SLC4A3: variants seen among roughly 807,000 people sequenced by gnomAD.
SLC4A3 encodes the protein anion exchange protein 3.
SLC4A3 carries 47 observed loss-of-function variants against 114.2 expected under a neutral mutation model. That is an observed-to-expected ratio of 0.41 (90% CI 0.33 to 0.52). The LOEUF (loss-of-function observed/expected upper bound fraction) is 0.52, where lower values mean the gene tolerates loss of function less well. Among genes scored for constraint, SLC4A3 ranks in the 20% least tolerant of loss-of-function variants. The pLI is 0.21. For synonymous variants in SLC4A3, 693 were observed against 710.3 expected (o/e 0.98, Z 0.39); for missense variants, 1,312 against 1,668.3 (o/e 0.79, Z 3.72).
Position 219,631,983 on chromosome 2 carries a change from A to T in SLC4A3, c.827A>T (p.Asp276Val), listed in dbSNP as rs374068007. The T allele has an allele frequency of 1.9e-6, 3 of 1,606,718 alleles. No homozygotes were observed. The highest frequency in any genetic ancestry group is 2.6e-6 in the Non-Finnish European group (3 of 1,176,436). The change falls in exon 7 of 23, where the codon GAC becomes GTC. Residue 276 changes from aspartate (D) to valine (V), a missense_variant. By Grantham distance (152) the Asp-to-Val change is radical (BLOSUM62 -3). This residue lies in a region of SLC4A3 where 771 missense variants were observed against 977.7 expected (regional missense o/e 0.79). Transcript: ENST00000358055. The surrounding 1 kb of genome is among the most constrained non-coding windows in gnomAD (Gnocchi z 6.3). Reference sequence around the variant, plus strand: ...TTCTCTGCAGGTCACCGACTGGAGGACAACCCTGGTGTGCGGCGACACTTA... The same window carrying T: ...TTCTCTGCAGGTCACCGACTGGAGGTCAACCCTGGTGTGCGGCGACACTTA... The part of the protein sequence containing the change: ...LDDMKSHRLE[D>V]NPGVRRHLVK...
rs1699046101 is a variant in SLC4A3 at position 219,634,400 on chromosome 2, G to A, written c.1562-20G>A. The A allele has an allele frequency of 1.2e-6, 2 of 1,613,162 alleles. No homozygotes were observed. Among genetic ancestry groups the A allele is most frequent in the Non-Finnish European group, 1.7e-6 (2 of 1,179,416 alleles). On this transcript the variant is annotated intron_variant, in intron 11 of 22. Transcript: ENST00000358055. ...ACTGCTTCTCTTTGCCCAGCGCCCT[G>A]TGCTTTCCTCTTCCCCTAGGTTGTG...
chr2:219,631,188 AGCCGAGGGGTCTGGTAGGGAGCGGAG>A lies in SLC4A3; in HGVS notation c.812-772_812-747del. 8.4e-7 allele frequency: 1 copy of A among 1,195,494 alleles called. No individual in the cohort carries two copies. The highest frequency in any genetic ancestry group is 1.6e-5 in the South Asian group (1 of 63,396). 74.1% of individuals were successfully genotyped at this position (1,195,494 alleles called of 1,614,324 possible). A position where few individuals can be genotyped will look rare whatever the true frequency, so the allele number is the denominator to read the frequency against. ...CGTCCAGGCTCCCACCTTGTAGGAGAGCCGAGGGGTCTGGTAGGGAGCGGAGGCCGAGGTCTCGGCCACCGGGAGAA... is the reference window on the plus strand; with the variant it reads ...CGTCCAGGCTCCCACCTTGTAGGAGAGCCGAGGTCTCGGCCACCGGGAGAA... On this transcript the variant is annotated intron_variant, in intron 6 of 22. Coordinates refer to ENST00000358055, the MANE Select transcript of SLC4A3 (RefSeq NM_005070.4). The surrounding 1 kb of genome is among the most constrained non-coding windows in gnomAD (Gnocchi z 6.3).
At position 219,638,200 on chromosome 2, in the gene SLC4A3, T is replaced by C; in HGVS notation, c.2803T>C (p.Ser935Pro). The C allele has an allele frequency of 6.2e-7, 1 of 1,612,872 alleles. No individual in the cohort carries two copies. Among genetic ancestry groups the C allele is most frequent in the Non-Finnish European group, 8.5e-7 (1 of 1,179,430 alleles). The change falls in exon 18 of 23, where the codon TCC becomes CCC. Residue 935 changes from serine to proline, a missense_variant. By Grantham distance (74) the Ser-to-Pro change is moderately conservative. Transcript: ENST00000358055. This position sits in a 1 kb window ranked among gnomAD's most constrained non-coding sequence, Gnocchi z 7.5. ...CATCGGGGACTTTGGCATCCCCATC[T>C]CCATCCTGGTGATGGTCCTGGTGGA... ...RIIGDFGIPISILVMVLVDYS... is the reference protein window; with the variant it reads ...RIIGDFGIPIPILVMVLVDYS...
At position 219,628,008 on chromosome 2, in the gene SLC4A3, A is replaced by C; in HGVS notation, c.16A>C (p.Ile6Leu). ...CTACCTGGCCATGGCCAACGGAGTG[A>C]TCCCGCCGCCCGGGGGCGCCTCCCC... MANGV[I>L]PPPGGASPLP... The change falls in exon 2 of 23, where the codon ATC becomes CTC. Residue 6 changes from isoleucine (I) to leucine (L), a missense_variant. Physicochemically the swap from Ile to Leu is conservative, Grantham distance 5. Coordinates refer to ENST00000358055, the MANE Select transcript of SLC4A3 (RefSeq NM_005070.4). The surrounding 1 kb of genome is among the most constrained non-coding windows in gnomAD (Gnocchi z 4.8). 1 of 1,595,380 alleles carries C rather than the reference A, an allele frequency of 6.3e-7. No individual in the cohort carries two copies. Among genetic ancestry groups the C allele is most frequent in the Non-Finnish European group, 8.5e-7 (1 of 1,172,676 alleles).
intron 10 of SLC4A3, among the ~76,000 whole-genome samples, 153 bp downstream of exon 10, chr2:219,633,610 T>C (rs1201980652): frequency 6.6e-6 from 1 of 152,150 alleles, no homozygotes; most frequent in Non-Finnish European, 1.5e-5. Flanking sequence ...GCATGAGGGG[T>C]CCCTGCCCTG....
rs1044186512 is a variant in SLC4A3, at chr2:219,636,967, G to C, written c.2535+93G>C. 9.8e-6 allele frequency: 11 copies of C among 1,122,540 alleles called. No individual in the cohort carries two copies. Among genetic ancestry groups the C allele is most frequent in the Non-Finnish European group, 1.3e-5 (10 of 762,340 alleles). 69.5% of individuals were successfully genotyped at this position (1,122,540 alleles called of 1,614,324 possible). A position where few individuals can be genotyped will look rare whatever the true frequency, so the allele number is the denominator to read the frequency against. Reference sequence around the variant, plus strand: ...TGGGAGGGGGAGGTATGGAGAACTAGGGGACAAGGAGAGGGACTGTGTTGG... The same window carrying C: ...TGGGAGGGGGAGGTATGGAGAACTACGGGACAAGGAGAGGGACTGTGTTGG... On this transcript the variant is annotated intron_variant, in intron 16 of 22. Coordinates refer to ENST00000358055, the MANE Select transcript of SLC4A3 (RefSeq NM_005070.4). The surrounding 1 kb of genome is among the most constrained non-coding windows in gnomAD (Gnocchi z 5.5).
In SLC4A3 at chr2:219,631,226, G is replaced by C; in HGVS notation, c.812-742G>C. The stretch of plus-strand genomic sequence containing the variant: ...GGTAGGGAGCGGAGGCCGAGGTCTC[G>C]GCCACCGGGAGAATGACGAGCCCAC... On this transcript the variant is annotated intron_variant, in intron 6 of 22. Transcript: ENST00000358055. The surrounding 1 kb of genome is among the most constrained non-coding windows in gnomAD (Gnocchi z 6.3). 4 of 1,242,854 alleles carry C rather than the reference G, an allele frequency of 3.2e-6. No individual in the cohort carries two copies. Among genetic ancestry groups the C allele is most frequent in the Non-Finnish European group, 4.2e-6 (4 of 954,426 alleles). 77.0% of individuals were successfully genotyped at this position (1,242,854 alleles called of 1,614,324 possible). A position where few individuals can be genotyped will look rare whatever the true frequency, so the allele number is the denominator to read the frequency against.
Position 219,637,930 on chromosome 2 carries a change from C to A in SLC4A3, c.2766+119C>A. On this transcript the variant is annotated intron_variant, in intron 17 of 22. Coordinates refer to ENST00000358055, the MANE Select transcript of SLC4A3 (RefSeq NM_005070.4). This position sits in a 1 kb window ranked among gnomAD's most constrained non-coding sequence, Gnocchi z 4.6. ...ATGGACCAAAACCCAGCTCGGGCAG[C>A]CCCTCACCCCTTCGGAAGCCTCTTC... 1 of 805,022 alleles carries A rather than the reference C, an allele frequency of 1.2e-6. No individual in the cohort carries two copies. The highest frequency in any genetic ancestry group is 2.1e-6 in the Non-Finnish European group (1 of 486,846). The allele number at this position is 805,022 out of a possible 1,614,324, so 49.9% of individuals were successfully genotyped here.
Position 219,628,267 on chromosome 2 carries a change from A to T in SLC4A3, c.52-138A>T. On this transcript the variant is annotated intron_variant, in intron 2 of 22. Transcript: ENST00000358055. The surrounding 1 kb of genome is among the most constrained non-coding windows in gnomAD (Gnocchi z 4.8). ...AGAGAGGGTGGTTTCTGGGATGCTG[A>T]CACAGGCCTGGGAGCAAGGGGAGGG... is the stretch of plus-strand genomic sequence containing the variant. 1 of 980,000 alleles carries T rather than the reference A, an allele frequency of 1.0e-6. No individual in the cohort carries two copies. 60.7% of individuals were successfully genotyped at this position (980,000 alleles called of 1,614,324 possible). A position where few individuals can be genotyped will look rare whatever the true frequency, so the allele number is the denominator to read the frequency against.
At position 219,641,516 on chromosome 2, in the gene SLC4A3, C is replaced by A; in HGVS notation, c.3622-135C>A. On this transcript the variant is annotated intron_variant, in intron 22 of 22. Coordinates refer to ENST00000358055, the MANE Select transcript of SLC4A3 (RefSeq NM_005070.4). The surrounding 1 kb of genome is among the most constrained non-coding windows in gnomAD (Gnocchi z 4.0). ...TTTGGCCAAGGGCAGTGCTGCCACC[C>A]AGGGTCATGGTACTTGCAGAGAGGC... is the stretch of plus-strand genomic sequence containing the variant. 1.4e-6 allele frequency: 1 copy of A among 707,274 alleles called. No individual in the cohort carries two copies. Among genetic ancestry groups the A allele is most frequent in the Non-Finnish European group, 2.5e-6 (1 of 398,990 alleles). The allele number at this position is 707,274 out of a possible 1,614,324, so 43.8% of individuals were successfully genotyped here.
At chr2:219,632,820 G>A (rs993399516) in intron 8 of SLC4A3, 54 bp from the exon 9 acceptor site, 6 of 1,604,474 alleles carry the variant, frequency 3.7e-6, no homozygotes, top group Non-Finnish European at 4.3e-6. Context: ...AGTGGGAGGA[G>A]ATTTTTCCTG....
chr2:219,639,915 C>G lies in SLC4A3; in HGVS notation c.3277+180C>G, dbSNP rs1699258804. On this transcript the variant is annotated intron_variant, in intron 20 of 22. Transcript: ENST00000358055. This position sits in a 1 kb window ranked among gnomAD's most constrained non-coding sequence, Gnocchi z 5.9. ...ACTCCTGGAGTCCTTTTCTGGCTCT[C>G]TGTCCTGCCCCCTCTTCTCTCTCTT... 6.6e-6 allele frequency among the ~76,000 whole-genome samples: 1 copy of G among 152,124 alleles called. No homozygotes were observed. The highest frequency in any genetic ancestry group is 2.4e-5 in the African/African-American group (1 of 41,412).
Position 219,631,823 on chromosome 2 carries a change from A to T in SLC4A3, c.812-145A>T, listed in dbSNP as rs1432851959. On this transcript the variant is annotated intron_variant, in intron 6 of 22. Coordinates refer to ENST00000358055, the MANE Select transcript of SLC4A3 (RefSeq NM_005070.4). This position sits in a 1 kb window ranked among gnomAD's most constrained non-coding sequence, Gnocchi z 6.3. ...CAGTCTTCTTATCAATGAAATGGCCACATGGGATTATGTGGTTCCCGTCGG... is the reference window on the plus strand; with the variant it reads ...CAGTCTTCTTATCAATGAAATGGCCTCATGGGATTATGTGGTTCCCGTCGG... 1.1e-6 allele frequency: 1 copy of T among 883,450 alleles called. No homozygotes were observed. The highest frequency in any genetic ancestry group is 1.7e-6 in the Non-Finnish European group (1 of 573,194). 54.7% of individuals were successfully genotyped at this position (883,450 alleles called of 1,614,324 possible).
Position 219,629,673 on chromosome 2 carries a change from A to G in SLC4A3, c.589A>G (p.Lys197Glu). The G allele has an allele frequency of 1.2e-6, 2 of 1,612,358 alleles. No homozygotes were observed. Among genetic ancestry groups the G allele is most frequent in the Non-Finnish European group, 1.7e-6 (2 of 1,179,152 alleles). ...GCCCTCGGTGGGCCCACACACTGAC[A>G]AGAGCCCCCAGCACTCCAGCAGGTA... ...PLPSVGPHTD[K>E]SPQHSSSSPS... is the part of the protein sequence containing the mutation. Residue 197 changes from lysine to glutamate, a missense_variant, in exon 5 of 23, where the codon AAG (lysine) becomes GAG (glutamate). Lys to Glu is a moderately conservative substitution (Grantham distance 56). Transcript: ENST00000358055.
At chr2:219,634,074 T>C in intron 11 of SLC4A3, 95 bp downstream of exon 11, 1 of 1,377,418 alleles carries the variant, frequency 7.3e-7, no homozygotes, top group Non-Finnish European at 9.6e-7. Context: ...AGGCCGCCTC[T>C]TCCATCTCCC....
chr2:219,628,540 A>G lies in SLC4A3; in HGVS notation c.187A>G (p.Ser63Gly). The G allele has an allele frequency of 6.2e-7, 1 of 1,613,332 alleles. No individual in the cohort carries two copies. The highest frequency in any genetic ancestry group is 1.1e-5 in the South Asian group (1 of 91,022). Residue 63 changes from serine (S) to glycine (G), a missense_variant, in exon 3 of 23, where the codon AGC becomes GGC. By Grantham distance (56) the Ser-to-Gly change is moderately conservative (BLOSUM62 0). Around this residue, in one of 4 missense-constraint regions of SLC4A3, gnomAD observed 236 missense variants for 212.1 expected, o/e 1.11. Coordinates refer to ENST00000358055, the MANE Select transcript of SLC4A3 (RefSeq NM_005070.4). This position sits in a 1 kb window ranked among gnomAD's most constrained non-coding sequence, Gnocchi z 4.8. ...CCCGGCCTGGGACCCCGAGAAGCCC[A>G]GCCGCAGCTACAGCGAGCGGGACTT... ...KPPAWDPEKP[S>G]RSYSERDFEF... is the part of the protein sequence containing the mutation.
In SLC4A3 at chr2:219,634,570, T is replaced by C; in HGVS notation, c.1712T>C (p.Leu571Pro). ...CACACCAGCACTGACTATCACGAGC[T>C]TGGGCGCTCCATTGCCACCCTTATG... ...PSHTSTDYHELGRSIATLMSD... is the reference protein window; with the variant it reads ...PSHTSTDYHEPGRSIATLMSD... The change falls in exon 12 of 23, where the codon CTT becomes CCT. Residue 571 changes from leucine to proline, a missense_variant. Transcript: ENST00000358055. 6.2e-7 allele frequency: 1 copy of C among 1,614,206 alleles called. No homozygotes were observed. Among genetic ancestry groups the C allele is most frequent in the Non-Finnish European group, 8.5e-7 (1 of 1,180,008 alleles).
In SLC4A3 at chr2:219,637,197, T is replaced by C. The variant is rs1364358690; in HGVS notation, c.2535+323T>C. On this transcript the variant is annotated intron_variant, in intron 16 of 22. Transcript: ENST00000358055. The surrounding 1 kb of genome is among the most constrained non-coding windows in gnomAD (Gnocchi z 4.6). Reference sequence around the variant, plus strand: ...TTGGGTCACCTTTTGTAGAGGAGTGTGTGTGTGTGTGTGGGTGTGGGTGTG... The same window carrying C: ...TTGGGTCACCTTTTGTAGAGGAGTGCGTGTGTGTGTGTGGGTGTGGGTGTG... Among the ~76,000 whole-genome samples the C allele has an allele frequency of 3.2e-5, 3 of 93,078 alleles. No individual in the cohort carries two copies. Among genetic ancestry groups the C allele is most frequent in the Non-Finnish European group, 8.1e-5 (3 of 36,886 alleles). The allele number at this position is 93,078 out of a possible 152,430, so 61.1% of individuals were successfully genotyped here. A position where few individuals can be genotyped will look rare whatever the true frequency, so the allele number is the denominator to read the frequency against.
rs1698809997 is a variant in SLC4A3 at position 219,628,704 on chromosome 2, G to A, written c.217+134G>A. 4 of 922,590 alleles carry A rather than the reference G, an allele frequency of 4.3e-6. No individual in the cohort carries two copies. The highest frequency in any genetic ancestry group is 6.5e-6 in the Non-Finnish European group (4 of 616,172). The allele number at this position is 922,590 out of a possible 1,614,324, so 57.2% of individuals were successfully genotyped here. ...GACACTGTGCTGGACTCTGTGCTGG[G>A]CCACATGCCGTGTTCAGTCATCCTG... On this transcript the variant is annotated intron_variant, in intron 3 of 22. Coordinates refer to ENST00000358055, the MANE Select transcript of SLC4A3 (RefSeq NM_005070.4). The surrounding 1 kb of genome is among the most constrained non-coding windows in gnomAD (Gnocchi z 4.8).
Sources: gnomAD v4.1 joint callset for allele counts (sites outside exome capture counted in the v4.1 genomes callset) on GRCh38, gnomAD v4.1.1 for gene constraint, gnomAD v4.1.1 regional missense constraint, Gnocchi (gnomAD v3.1) non-coding constraint, MANE v1.5 for transcripts, NCBI Gene and HGNC (gene_info 2026-07-23, HGNC 2026-07-21) for gene names.